The following F13A1 variants were observed in gnomAD, a reference collection of about 807,000 sequenced individuals.
The protein encoded by F13A1 is FSF, A subunit.
F13A1 carries 47 observed loss-of-function variants against 80.1 expected under a neutral mutation model. The observed-to-expected ratio is 0.59, with a 90% CI of 0.46 to 0.75. The LOEUF (loss-of-function observed/expected upper bound fraction) is 0.75, where lower values mean the gene tolerates loss of function less well. Among genes scored for constraint, F13A1 ranks in the 30% least tolerant of loss-of-function variants. The pLI is 0.00. For synonymous variants in F13A1, 349 were observed against 344.9 expected (o/e 1.01, Z -0.13); for missense variants, 817 against 930.4 (o/e 0.88, Z 1.59).
At chr6:6,272,663 C>T (rs539953928) in intron 3 of F13A1, among the ~76,000 whole-genome samples, 26 of 152,292 alleles carry the variant, frequency 1.7e-4, no homozygotes, top group Admixed American at 4.6e-4. Flanking sequence ...TGAAAACTAG[C>T]AAGGCACTTT....
At chr6:6,247,672 GA>G (rs1371842872) in intron 6 of F13A1, among the ~76,000 whole-genome samples, 1 of 152,190 alleles carries the variant, frequency 6.6e-6, no homozygotes, top group African/African-American at 2.4e-5. Flanking sequence ...ATGAAAAGTA[GA>G]AAATGTCTAG....
At chr6:6,290,361 A>G (rs935930737) in intron 3 of F13A1, among the ~76,000 whole-genome samples, 59 of 152,326 alleles carry the variant, frequency 3.9e-4, no homozygotes, top group African/African-American at 1.3e-3. Flanking sequence ...CACCTGCCTC[A>G]GTGTTGTATG....
intron 1 of F13A1, among the ~76,000 whole-genome samples, chr6:6,320,078 G>C (rs966177838): frequency 1.3e-5 from 2 of 152,186 alleles, no homozygotes; most frequent in Non-Finnish European, 2.9e-5. Flanking sequence ...TGAGTGCGGC[G>C]GGCAGGAGCC....
intron 10 of F13A1, among the ~76,000 whole-genome samples, chr6:6,192,507 A>C (rs1761218984): frequency 6.6e-6 from 1 of 152,250 alleles, no homozygotes; most frequent in Admixed American, 6.5e-5. Flanking sequence ...GAAAGCTAAA[A>C]TAATTCCAAA....
intron 10 of F13A1, among the ~76,000 whole-genome samples, chr6:6,186,372 T>C (rs949081795): frequency 7.9e-5 from 12 of 152,258 alleles, no homozygotes; most frequent in Admixed American, 6.5e-4. Flanking sequence ...CGTTTAAGTC[T>C]TTAATCCATC....
chr6:6,314,388 G>T (rs1056444186), intron 2 of F13A1, among the ~76,000 whole-genome samples: 2 of 152,138 alleles, frequency 1.3e-5, no homozygotes, highest in African/African-American at 2.4e-5. Context: ...CCAAGGCCTG[G>T]TATGGTGTGA....
At chr6:6,198,112 T>TAAG in intron 8 of F13A1, among the ~76,000 whole-genome samples, 1 of 152,242 alleles carries the variant, frequency 6.6e-6, no homozygotes, top group Admixed American at 6.5e-5. Context: ...CTGTAGAAAC[T>TAAG]ACAACAATTA....
intron 8 of F13A1, among the ~76,000 whole-genome samples, chr6:6,206,229 G>A (rs565365639): frequency 2.6e-5 from 4 of 152,110 alleles, no homozygotes; most frequent in Non-Finnish European, 4.4e-5. Flanking sequence ...TTTTTGTAAC[G>A]TGTTCCTAGA....
chr6:6,241,416 C>A (rs1757482149), intron 6 of F13A1, among the ~76,000 whole-genome samples: 1 of 152,170 alleles, frequency 6.6e-6, no homozygotes, highest in Non-Finnish European at 1.5e-5. Context: ...CCACCGCCAC[C>A]ATCATTAGAA....
rs1463544960 is a variant in F13A1 at position 6,203,496 on chromosome 6, A to G, written c.1113-6170T>C. On this transcript the variant is annotated intron_variant, in intron 8 of 14. Transcript: ENST00000264870. ...GTCAGGGATTCAAAGCAGCAGAGAC[A>G]TTCTCCTGCTGGCTTCAAAGAAGAT... Among the ~76,000 whole-genome samples the G allele has an allele frequency of 2.0e-5, 3 of 152,364 alleles. 1 individual carries two copies. Among genetic ancestry groups the G allele is most frequent in the African/African-American group, 7.2e-5 (3 of 41,586 alleles).
chr6:6,309,674 G>A (rs1161268362), intron 2 of F13A1, among the ~76,000 whole-genome samples: 1 of 152,176 alleles, frequency 6.6e-6, no homozygotes, highest in Non-Finnish European at 1.5e-5. Flanking sequence ...ACAGCAAACT[G>A]ACATGATTAG....
At position 6,197,228 on chromosome 6, in the gene F13A1, C is replaced by T; in HGVS notation, c.1211G>A (p.Ser404Asn). 1 of 1,614,052 alleles carries T rather than the reference C, an allele frequency of 6.2e-7. No homozygotes were observed. Among genetic ancestry groups the T allele is most frequent in the Non-Finnish European group, 8.5e-7 (1 of 1,179,934 alleles). The change falls in exon 9 of 15, where the codon AGC (serine) becomes AAC (asparagine). Residue 404 changes from serine to asparagine, a missense_variant. Ser to Asn is a conservative substitution (Grantham distance 46). Coordinates refer to ENST00000264870, the MANE Select transcript of F13A1 (RefSeq NM_000129.4). ...GAGGGAGGACACAGTTTTACCATCG[C>T]TATTTTCCTGGGGGGTGCTGTCCAC... is the stretch of plus-strand genomic sequence containing the variant. ...QAVDSTPQEN[S>N]DGMYRCGPAS...
At chr6:6,170,859 A>C (rs1246019761) in intron 12 of F13A1, among the ~76,000 whole-genome samples, 1 of 152,114 alleles carries the variant, frequency 6.6e-6, no homozygotes, top group Non-Finnish European at 1.5e-5. Context: ...TTTATATTTC[A>C]ATATACAATT....
intron 3 of F13A1, among the ~76,000 whole-genome samples, chr6:6,268,683 A>T: frequency 6.9e-6 from 1 of 144,764 alleles, no homozygotes; most frequent in Non-Finnish European, 1.5e-5. Context: ...CTGAGGGGGC[A>T]CTCATTTTTT....
At chr6:6,151,375 T>C (rs1265907832) in intron 14 of F13A1, among the ~76,000 whole-genome samples, 1 of 152,198 alleles carries the variant, frequency 6.6e-6, no homozygotes, top group African/African-American at 2.4e-5. Context: ...GGGGTATCTC[T>C]CAGCATAATA....
chr6:6,245,573 G>A (rs564041105), intron 6 of F13A1, among the ~76,000 whole-genome samples: 4 of 152,230 alleles, frequency 2.6e-5, no homozygotes, highest in South Asian at 2.1e-4. Context: ...TTGGGTTATC[G>A]GTGCTTTTTT....
At position 6,266,586 on chromosome 6, in the gene F13A1, C is replaced by T. The variant is rs747128938; in HGVS notation, c.543G>A (p.Thr181=). The change falls in exon 4 of 15, where the codon ACG becomes ACA. Residue 181 remains threonine, a synonymous_variant. Transcript: ENST00000264870. ...LRTSRNPETD[T]YILFNPWCED... is the part of the protein sequence containing the mutation. ...CACACCAAGGATTGAAGAGAATGTA[C>T]GTGTCTGTTTCTGGGTTTCGACTGG... The T allele has an allele frequency of 2.4e-5, 38 of 1,614,068 alleles. 1 individual carries two copies. The East Asian group carries it at 4.9e-4, about 21-fold the overall frequency.
chr6:6,264,682 T>A (rs1431283756), intron 4 of F13A1, among the ~76,000 whole-genome samples: 1 of 152,238 alleles, frequency 6.6e-6, no homozygotes, highest in Non-Finnish European at 1.5e-5. Flanking sequence ...ACTTAACATA[T>A]TCAAAATCTT....
intron 13 of F13A1, among the ~76,000 whole-genome samples, chr6:6,153,235 G>T (rs973372460): frequency 6.6e-6 from 1 of 152,184 alleles, no homozygotes; most frequent in Non-Finnish European, 1.5e-5. Context: ...TAATATGGGA[G>T]AAAATATATG....
Sources: allele counts gnomAD v4.1 joint callset (sites outside exome capture counted in the v4.1 genomes callset), GRCh38; gene constraint gnomAD v4.1.1; transcripts MANE v1.5; gene names NCBI Gene and HGNC (gene_info 2026-07-23, HGNC 2026-07-21).